RNF141: variants seen among roughly 807,000 people sequenced by gnomAD.
RNF141 encodes ring finger protein 141, also known as C3HC4-like zinc finger protein.
In RNF141, 18 loss-of-function variants were observed where a neutral mutation model predicts 27.4. That is an observed-to-expected ratio of 0.66 (90% CI 0.45 to 0.97). The LOEUF is 0.97. Among genes scored for constraint, RNF141 ranks in the 50% least tolerant of loss-of-function variants. The pLI is 0.00. For synonymous variants in RNF141, 97 were observed against 96.6 expected (o/e 1.00, Z -0.02); for missense variants, 230 against 279.4 (o/e 0.82, Z 1.26).
rs1267131125 is a variant in RNF141 at position 10,512,761 on chromosome 11, A to T, written c.*2155T>A. On this transcript the variant is annotated 3_prime_UTR_variant, in exon 6 of 6. Transcript: ENST00000265981. ...CTGCAAATTTGACTTGAATTTAATTAAAAAATTTTTTTAAAAAAAACGACT... is the reference window on the plus strand; with the variant it reads ...CTGCAAATTTGACTTGAATTTAATTTAAAAATTTTTTTAAAAAAAACGACT... 1 of 152,236 alleles carries T rather than the reference A, an allele frequency of 6.6e-6. No individual in the cohort carries two copies. The highest frequency in any genetic ancestry group is 1.9e-4 in the East Asian group (1 of 5,184). 9.4% of individuals were successfully genotyped at this position (152,236 alleles called of 1,614,324 possible). A position where few individuals can be genotyped will look rare whatever the true frequency, so the allele number is the denominator to read the frequency against.
chr11:10,518,406 A>G (rs1849859312), intron 5 of RNF141: 1 of 152,216 alleles, frequency 6.6e-6, no homozygotes, highest in African/African-American at 2.4e-5. Context: ...TTACTCAGCA[A>G]TAAAAAGGCA....
chr11:10,532,913 A>G (rs1328164077), intron 2 of RNF141, among the ~76,000 whole-genome samples: 2 of 152,182 alleles, frequency 1.3e-5, no homozygotes, highest in African/African-American at 4.8e-5. Context: ...GAAAACTGAG[A>G]TTCAGAGAGG....
chr11:10,536,172 C>T (rs1205348895), intron 1 of RNF141, among the ~76,000 whole-genome samples: 1 of 151,684 alleles, frequency 6.6e-6, no homozygotes, highest in African/African-American at 2.4e-5. Context: ...GGAAGAAGTC[C>T]CTGGGCAAAC....
chr11:10,539,699 T>TATATATATATATATATATA (rs56298076), intron 1 of RNF141, among the ~76,000 whole-genome samples: 17 of 73,662 alleles, frequency 2.3e-4, no homozygotes, highest in South Asian at 4.3e-4. Flanking sequence ...TACATATATA[T>TATATATATATATATATATA]TAGAGAGAGA....
At position 10,515,027 on chromosome 11, in the gene RNF141, C is replaced by G. The variant is rs1459724232; in HGVS notation, c.582G>C (p.Gln194His). 1 of 1,613,968 alleles carries G rather than the reference C, an allele frequency of 6.2e-7. No individual in the cohort carries two copies. Among genetic ancestry groups the G allele is most frequent in the African/African-American group, 1.3e-5 (1 of 75,022 alleles). Residue 194 changes from glutamine to histidine, a missense_variant, in exon 6 of 6, where the codon CAG (glutamine) becomes CAC (histidine). Physicochemically the swap from Gln to His is conservative, Grantham distance 24. Coordinates refer to ENST00000265981, the MANE Select transcript of RNF141 (RefSeq NM_016422.4). ...RHRNCPICRL[Q>H]MTGANESWVV... is the part of the protein sequence containing the mutation. ...CCCAAGATTCATTTGCTCCAGTCATCTGTAGGCGACAAATAGGGCAATTCC... is the reference window on the plus strand; with the variant it reads ...CCCAAGATTCATTTGCTCCAGTCATGTGTAGGCGACAAATAGGGCAATTCC...
In RNF141 at chr11:10,539,193, A is replaced by G. The variant is rs1228604662; in HGVS notation, c.-48+1929T>C. Among the ~76,000 whole-genome samples the G allele has an allele frequency of 3.9e-5, 6 of 152,204 alleles. No individual in the cohort carries two copies. The South Asian group carries it at 1.2e-3, about 31-fold the overall frequency. On this transcript the variant is annotated intron_variant, in intron 1 of 5. Transcript: ENST00000265981. ...TTGTGGAAGTTCAAATATTCCTTAT[A>G]AAAATATTAAAATTACATCATGGGT...
chr11:10,534,516 T>C (rs1358307161), intron 1 of RNF141, among the ~76,000 whole-genome samples: 20 of 151,778 alleles, frequency 1.3e-4, no homozygotes, highest in Admixed American at 1.2e-3. Flanking sequence ...ATTCAAGTAA[T>C]TGTATTTAAG....
intron 1 of RNF141, among the ~76,000 whole-genome samples, chr11:10,539,351 A>G (rs1298688598): frequency 1.3e-5 from 2 of 152,112 alleles, no homozygotes; most frequent in East Asian, 1.9e-4. Context: ...CAAGTACTGC[A>G]CTGTAGTATT....
intron 5 of RNF141, chr11:10,516,209 T>G (rs1224411150): frequency 6.6e-6 from 1 of 152,244 alleles, no homozygotes; most frequent in Non-Finnish European, 1.5e-5. Context: ...TGCTCTTCTG[T>G]GCACAAAACA....
intron 5 of RNF141, chr11:10,516,285 A>C (rs1191186067): frequency 6.6e-6 from 1 of 152,204 alleles, no homozygotes; most frequent in Admixed American, 6.5e-5. Flanking sequence ...TTCCCACCTA[A>C]AATTACTAAA....
chr11:10,518,838 C>T (rs1390126952), intron 5 of RNF141, 196 bp downstream of exon 5: 5 of 475,716 alleles, frequency 1.1e-5, no homozygotes, highest in African/African-American at 4.1e-5. Context: ...CTAAGGTACA[C>T]CCCCATATTT....
In RNF141 at chr11:10,513,867, G is replaced by A. The variant is rs1288419507; in HGVS notation, c.*1049C>T. On this transcript the variant is annotated 3_prime_UTR_variant, in exon 6 of 6. Transcript: ENST00000265981. ...AATTTTTGTATTTTAGTAGAGAGAGGATTTCGCCATGTTGGCCAGGCTGGT... is the reference window on the plus strand; with the variant it reads ...AATTTTTGTATTTTAGTAGAGAGAGAATTTCGCCATGTTGGCCAGGCTGGT... 2 of 152,034 alleles carry A rather than the reference G, an allele frequency of 1.3e-5. No individual in the cohort carries two copies. The highest frequency in any genetic ancestry group is 2.9e-5 in the Non-Finnish European group (2 of 68,018). The allele number at this position is 152,034 out of a possible 1,614,324, so 9.4% of individuals were successfully genotyped here. A position where few individuals can be genotyped will look rare whatever the true frequency, so the allele number is the denominator to read the frequency against.
At chr11:10,520,079 T>C (rs74668259) in intron 4 of RNF141, among the ~76,000 whole-genome samples, 12,874 of 152,220 alleles carry the variant, frequency 0.085, 657 homozygotes, top group Admixed American at 0.14. Context: ...GGGCCGTGAG[T>C]TGAACAAGCT....
At chr11:10,539,063 A>C (rs1850062090) in intron 1 of RNF141, among the ~76,000 whole-genome samples, 1 of 152,220 alleles carries the variant, frequency 6.6e-6, no homozygotes, top group South Asian at 2.1e-4. Context: ...GGATTTTCTA[A>C]ATAAAGAACT....
intron 5 of RNF141, chr11:10,518,722 G>A (rs543988656): frequency 7.6e-5 from 18 of 237,540 alleles, no homozygotes; most frequent in African/African-American, 3.7e-4. Flanking sequence ...CACATACACA[G>A]AATAAATGTA....
intron 2 of RNF141, among the ~76,000 whole-genome samples, chr11:10,533,227 T>C (rs1048527454): frequency 2.0e-5 from 3 of 152,154 alleles, no homozygotes; most frequent in African/African-American, 7.2e-5. Context: ...AAAGTCATAT[T>C]TTAAAAGCAC....
chr11:10,534,740 G>A (rs1177245402), intron 1 of RNF141, among the ~76,000 whole-genome samples: 2 of 152,082 alleles, frequency 1.3e-5, no homozygotes, highest in Non-Finnish European at 2.9e-5. Flanking sequence ...TGGTGAAAGT[G>A]AACTCTGAAT....
At chr11:10,527,085 T>C (rs570965671) in intron 3 of RNF141, among the ~76,000 whole-genome samples, 2 of 152,310 alleles carry the variant, frequency 1.3e-5, no homozygotes, top group East Asian at 3.9e-4. Context: ...AATAGCAAAG[T>C]GTATCACACT....
At chr11:10,531,221 A>T (rs987043030) in intron 2 of RNF141, among the ~76,000 whole-genome samples, 1 of 152,012 alleles carries the variant, frequency 6.6e-6, no homozygotes, top group African/African-American at 2.4e-5. Flanking sequence ...CTAAAAATAC[A>T]AAAATTAGCC....
Sources: allele counts gnomAD v4.1 joint callset (sites outside exome capture counted in the v4.1 genomes callset), GRCh38; gene constraint gnomAD v4.1.1; transcripts MANE v1.5; gene names NCBI Gene and HGNC (gene_info 2026-07-23, HGNC 2026-07-21).